The following LPCAT4 variants were observed in gnomAD, a reference collection of about 807,000 sequenced individuals.
LPCAT4 encodes the protein lysophospholipid acyltransferase LPCAT4.
In LPCAT4, 30 loss-of-function variants were observed where a neutral mutation model predicts 66.5. The ratio of observed to expected loss-of-function variants is 0.45; its 90% CI spans 0.34 to 0.61. The LOEUF is 0.61. Among genes scored for constraint, LPCAT4 ranks in the 20% least tolerant of loss-of-function variants. LPCAT4 has a pLI of 0.01. For synonymous variants in LPCAT4, 253 were observed against 262.1 expected (o/e 0.97, Z 0.34); for missense variants, 557 against 656.7 (o/e 0.85, Z 1.66).
intron 11 of LPCAT4, 42 bp from the exon 12 acceptor site, chr15:34,360,251 CCTCCCTTCCTG>C: frequency 6.7e-7 from 1 of 1,491,190 alleles, no homozygotes; most frequent in Non-Finnish European, 9.4e-7. Flanking sequence ...GGACCCTGCG[CCTCCCTTCCTG>C]CTCTTTGGAT....
At chr15:34,359,997 G>T in intron 12 of LPCAT4, 114 bp downstream of exon 12, 1 of 926,896 alleles carries the variant, frequency 1.1e-6, no homozygotes, top group Non-Finnish European at 1.7e-6. Flanking sequence ...CACTAGGTTG[G>T]ATACCAAATG....
intron 3 of LPCAT4, 164 bp downstream of exon 3, chr15:34,364,844 G>C: frequency 1.6e-6 from 1 of 625,194 alleles, no homozygotes; most frequent in Non-Finnish European, 2.8e-6. Flanking sequence ...CTCTGTCCCA[G>C]CCCTCAGAAT....
intron 2 of LPCAT4, 27 bp from the exon 3 acceptor site, chr15:34,365,255 G>A (rs373054145): frequency 2.5e-5 from 40 of 1,578,112 alleles, no homozygotes; most frequent in Middle Eastern, 2.1e-4. Context: ...GGGTATCAGC[G>A]GAAGCAGTGG....
Position 34,365,686 on chromosome 15 carries a change from C to A in LPCAT4, c.130G>T (p.Ala44Ser). 2 of 1,613,852 alleles carry A rather than the reference C, an allele frequency of 1.2e-6. No homozygotes were observed. Among genetic ancestry groups the A allele is most frequent in the Non-Finnish European group, 1.7e-6 (2 of 1,179,948 alleles). ...LQRVKFCLLG[A>S]LLAPIRVLLA... ...AGCACTCGGATGGGGGCCAGCAATG[C>A]CCCCAGGAGGCAGAACTGCAAAGGG... Residue 44 changes from alanine (A) to serine (S), a missense_variant, in exon 2 of 14, where the codon GCA (alanine) becomes TCA (serine). Ala to Ser is a moderately conservative substitution (Grantham distance 99, BLOSUM62 1). This residue lies in a region of LPCAT4 where 94 missense variants were observed against 71.5 expected (regional missense o/e 1.32). Transcript: ENST00000314891.
intron 11 of LPCAT4, chr15:34,361,165 T>C: frequency 7.4e-7 from 1 of 1,359,528 alleles, no homozygotes; most frequent in Non-Finnish European, 9.5e-7. Flanking sequence ...TTTATAGTCC[T>C]TACTGATTAT....
intron 1 of LPCAT4, chr15:34,366,012 G>C (rs1327913205): frequency 3.4e-6 from 1 of 296,222 alleles, no homozygotes; most frequent in African/African-American, 2.1e-5. Context: ...GCATGCGAAA[G>C]TGCAGGGCGC....
chr15:34,364,367 T>C (rs1891020755), intron 3 of LPCAT4, 61 bp from the exon 4 acceptor site: 5 of 965,876 alleles, frequency 5.2e-6, no homozygotes, highest in Non-Finnish European at 8.2e-6. Context: ...CAGTAACATC[T>C]GCAGCCTCCA....
At position 34,367,129 on chromosome 15, in the gene LPCAT4, C is replaced by T; in HGVS notation, c.-29G>A. On this transcript the variant is annotated 5_prime_UTR_variant, in exon 1 of 14. Coordinates refer to ENST00000314891, the MANE Select transcript of LPCAT4 (RefSeq NM_153613.3). ...GGGAGAAGGTGGGAGGGAGGGCACC[C>T]CGGCCCTGGCCCCGGCCACCACTCT... The T allele has an allele frequency of 6.6e-7, 1 of 1,508,014 alleles. No homozygotes were observed. Among genetic ancestry groups the T allele is most frequent in the Non-Finnish European group, 8.9e-7 (1 of 1,127,014 alleles). The allele number at this position is 1,508,014 out of a possible 1,614,324, so 93.4% of individuals were successfully genotyped here. A position where few individuals can be genotyped will look rare whatever the true frequency, so the allele number is the denominator to read the frequency against.
At chr15:34,359,852 C>G (rs1890900534) in intron 12 of LPCAT4, 107 bp from the exon 13 acceptor site, 11 of 1,205,248 alleles carry the variant, frequency 9.1e-6, no homozygotes, top group African/African-American at 1.5e-5. Context: ...GGGTGGTGCA[C>G]AAGCCTTCCC....
In LPCAT4 at chr15:34,365,124, G is replaced by A; in HGVS notation, c.362C>T (p.Ala121Val). 1 of 1,614,242 alleles carries A rather than the reference G, an allele frequency of 6.2e-7. No individual in the cohort carries two copies. The part of the protein sequence containing the change: ...VRGQRASRLQ[A>V]PVLVAAPHST... Reference sequence around the variant, plus strand: ...GTGTGGGGCAGCAACAAGGACAGGGGCTTGAAGGCGAGAGGCTCGCTGGCC... The same window carrying A: ...GTGTGGGGCAGCAACAAGGACAGGGACTTGAAGGCGAGAGGCTCGCTGGCC... The change falls in exon 3 of 14, where the codon GCC becomes GTC. Residue 121 changes from alanine to valine, a missense_variant. By Grantham distance (64) the Ala-to-Val change is moderately conservative. This residue lies in a region of LPCAT4 where 65 missense variants were observed against 83.5 expected (regional missense o/e 0.78). Coordinates refer to ENST00000314891, the MANE Select transcript of LPCAT4 (RefSeq NM_153613.3).
rs1047471697 is a variant in LPCAT4, at chr15:34,359,221, C to T, written c.1481G>A (p.Arg494Gln). ...STYLRPPHTS[R>Q]GTSQTPNASS... ...GGCATTTGGTGTCTGGGAGGTGCCT[C>T]GAGAGGTGTGTGGGGGGCGCAGGTA... Residue 494 changes from arginine to glutamine, a missense_variant, in exon 14 of 14, where the codon CGA (arginine) becomes CAA (glutamine). Arg to Gln is a conservative substitution (Grantham distance 43). Around this residue, in one of 4 missense-constraint regions of LPCAT4, gnomAD observed 392 missense variants for 473.9 expected, o/e 0.83. Transcript: ENST00000314891. 13 of 1,589,738 alleles carry T rather than the reference C, an allele frequency of 8.2e-6. No individual in the cohort carries two copies. The highest frequency in any genetic ancestry group is 4.6e-5 in the South Asian group (4 of 87,446).
At chr15:34,362,137 A>ATTCT (rs1433204738) in intron 10 of LPCAT4, 59 bp downstream of exon 10, 2 of 740,694 alleles carry the variant, frequency 2.7e-6, no homozygotes, top group Non-Finnish European at 3.8e-6. Flanking sequence ...TCCCCTTCTT[A>ATTCT]TTCTCTCTCT....
At chr15:34,359,540 C>T in intron 13 of LPCAT4, 49 bp downstream of exon 13, 4 of 1,589,754 alleles carry the variant, frequency 2.5e-6, no homozygotes, top group Non-Finnish European at 3.4e-6. Flanking sequence ...TTCCTGGATG[C>T]TGATGGTGCC....
rs1191934980 is a variant in LPCAT4, at chr15:34,362,287, C to G, written c.919G>C (p.Val307Leu). The G allele has an allele frequency of 6.2e-7, 1 of 1,614,152 alleles. No individual in the cohort carries two copies. The stretch of plus-strand genomic sequence containing the variant: ...ACCACAATCACAGGTAAGCTCCCTA[C>G]AAACTCACATTCGGTGGCTGGAATG... ...LGIPATECEF[V>L]GSLPVIVVGR... Residue 307 changes from valine to leucine, a missense_variant, in exon 10 of 14, where the codon GTA becomes CTA. Val to Leu is a conservative substitution (Grantham distance 32). This residue lies in a region of LPCAT4 where 392 missense variants were observed against 473.9 expected (regional missense o/e 0.83). Coordinates refer to ENST00000314891, the MANE Select transcript of LPCAT4 (RefSeq NM_153613.3).
chr15:34,362,504 C>T, intron 9 of LPCAT4, 69 bp downstream of exon 9: 1 of 1,467,636 alleles, frequency 6.8e-7, no homozygotes, highest in Non-Finnish European at 9.2e-7. Flanking sequence ...AAAACCTCGC[C>T]CCCTCCACGC....
intron 10 of LPCAT4, 86 bp downstream of exon 10, chr15:34,362,110 T>A: frequency 1.3e-6 from 2 of 1,525,610 alleles, no homozygotes; most frequent in Non-Finnish European, 1.8e-6. Flanking sequence ...AAGATTTTCC[T>A]TCTTCCTTCT....
chr15:34,363,933 T>A lies in LPCAT4; in HGVS notation c.652+80A>T. The A allele has an allele frequency of 6.8e-7, 1 of 1,470,056 alleles. No homozygotes were observed. The highest frequency in any genetic ancestry group is 9.5e-7 in the Non-Finnish European group (1 of 1,055,800). 91.1% of individuals were successfully genotyped at this position (1,470,056 alleles called of 1,614,324 possible). ...CTCCCATCCCTCCCCCTCTTCTACTTCTTGGGTTATTTCAGAGTCCCTCCC... is the reference window on the plus strand; with the variant it reads ...CTCCCATCCCTCCCCCTCTTCTACTACTTGGGTTATTTCAGAGTCCCTCCC... On this transcript the variant is annotated intron_variant, in intron 5 of 13. Coordinates refer to ENST00000314891, the MANE Select transcript of LPCAT4 (RefSeq NM_153613.3). The surrounding 1 kb of genome is among the most constrained non-coding windows in gnomAD (Gnocchi z 4.3).
intron 9 of LPCAT4, 119 bp from the exon 10 acceptor site, chr15:34,362,440 C>T: frequency 7.0e-7 from 1 of 1,438,788 alleles, no homozygotes; most frequent in Non-Finnish European, 9.5e-7. Flanking sequence ...CTCCCTGCCT[C>T]TGTCTCAGCT....
intron 2 of LPCAT4, 33 bp downstream of exon 2, chr15:34,365,526 A>C: frequency 6.2e-7 from 1 of 1,613,794 alleles, no homozygotes; most frequent in Non-Finnish European, 8.5e-7. Flanking sequence ...AGGGAAGAGA[A>C]GTAGGGTCTC....
Sources: gnomAD v4.1 joint callset for allele counts on GRCh38, gnomAD v4.1.1 for gene constraint, gnomAD v4.1.1 regional missense constraint, Gnocchi (gnomAD v3.1) non-coding constraint, MANE v1.5 for transcripts, NCBI Gene and HGNC (gene_info 2026-07-23, HGNC 2026-07-21) for gene names.